The following RAPGEFL1 variants were observed in gnomAD, a reference collection of about 807,000 sequenced individuals.
RAPGEFL1 encodes the protein rap guanine nucleotide exchange factor-like 1.
RAPGEFL1 carries 31 observed loss-of-function variants against 64.4 expected under a neutral mutation model. That is an observed-to-expected ratio of 0.48 (90% CI 0.36 to 0.65). The LOEUF (loss-of-function observed/expected upper bound fraction) is 0.65, where lower values mean the gene tolerates loss of function less well. Among genes scored for constraint, RAPGEFL1 ranks in the 30% least tolerant of loss-of-function variants. The probability of loss-of-function intolerance (pLI) is 0.00; values close to 1 mark genes in which losing one functional copy is unlikely to be tolerated. For missense variants in RAPGEFL1, 682 were observed against 677.4 expected (o/e 1.01, Z -0.08); for synonymous variants, 331 against 274.1 (o/e 1.21, Z -2.05).
intron 11 of RAPGEFL1, 38 bp from the exon 12 acceptor site, chr17:40,192,568 C>A (rs1404910926): frequency 6.5e-7 from 1 of 1,539,522 alleles, no homozygotes; most frequent in Non-Finnish European, 9.0e-7. Flanking sequence ...GATGCATTGG[C>A]CAGTCTGTCC....
In RAPGEFL1 at chr17:40,191,785, G is replaced by A. The variant is rs1990283358; in HGVS notation, c.1605+113G>A. 1.2e-5 allele frequency: 13 copies of A among 1,078,638 alleles called. 1 individual carries two copies. The South Asian group carries it at 1.8e-4, about 15-fold the overall frequency. 66.8% of individuals were successfully genotyped at this position (1,078,638 alleles called of 1,614,324 possible). A position where few individuals can be genotyped will look rare whatever the true frequency, so the allele number is the denominator to read the frequency against. The stretch of plus-strand genomic sequence containing the variant: ...AGGGAGTCTTTGCGCCAGTTGGAGG[G>A]AGGCGCCCTCTTCTGGCATACGCAA... On this transcript the variant is annotated intron_variant, in intron 10 of 14. Transcript: ENST00000620260. This position sits in a 1 kb window ranked among gnomAD's most constrained non-coding sequence, Gnocchi z 5.1.
chr17:40,194,153 G>C lies in RAPGEFL1; in HGVS notation c.*365G>C. The C allele has an allele frequency of 4.3e-6, 1 of 231,920 alleles. No individual in the cohort carries two copies. The highest frequency in any genetic ancestry group is 7.1e-5 in the South Asian group (1 of 14,016). The allele number at this position is 231,920 out of a possible 1,614,324, so 14.4% of individuals were successfully genotyped here. ...TGTCTTGCAGAGTGGGATTGTGGGA[G>C]GGATTGGCAGCCTTCTTCTCCACCA... On this transcript the variant is annotated 3_prime_UTR_variant, in exon 15 of 15. Coordinates refer to ENST00000620260, the MANE Select transcript of RAPGEFL1 (RefSeq NM_016339.6).
Position 40,181,712 on chromosome 17 carries a change from T to C in RAPGEFL1, c.599+18T>C, listed in dbSNP as rs575388243. 3.7e-5 allele frequency: 26 copies of C among 702,012 alleles called. No individual in the cohort carries two copies. The highest frequency in any genetic ancestry group is 4.0e-5 in the Admixed American group (2 of 49,986). 43.5% of individuals were successfully genotyped at this position (702,012 alleles called of 1,614,324 possible). A position where few individuals can be genotyped will look rare whatever the true frequency, so the allele number is the denominator to read the frequency against. On this transcript the variant is annotated intron_variant, in intron 2 of 14. Coordinates refer to ENST00000620260, the MANE Select transcript of RAPGEFL1 (RefSeq NM_016339.6). ...CACCAGTAATATCCTTTTGTGGAGT[T>C]TGGAAAAGGAGAGGTCAGAAGGGAG...
At position 40,184,097 on chromosome 17, in the gene RAPGEFL1, G is replaced by A. The variant is rs1299949547; in HGVS notation, c.600-117G>A. ...GACCTCAGGTGATCCGCCCGCCTCA[G>A]CTTCCCAAACTGCTGGGATTATAGG... On this transcript the variant is annotated intron_variant, in intron 2 of 14. Coordinates refer to ENST00000620260, the MANE Select transcript of RAPGEFL1 (RefSeq NM_016339.6). 7.4e-6 allele frequency: 6 copies of A among 808,736 alleles called. No homozygotes were observed. In the Admixed American group the frequency reaches 1.2e-4, roughly 17 times the overall value. The allele number at this position is 808,736 out of a possible 1,614,324, so 50.1% of individuals were successfully genotyped here.
In RAPGEFL1 at chr17:40,193,963, C is replaced by A; in HGVS notation, c.*175C>A. ...TAAGTCTGTTCATCCTGCTGAAGTC[C>A]CCTCCCCATTGCTCCTTCAAGCCAA... On this transcript the variant is annotated 3_prime_UTR_variant, in exon 15 of 15. Transcript: ENST00000620260. 1.2e-6 allele frequency: 1 copy of A among 831,166 alleles called. No individual in the cohort carries two copies. Among genetic ancestry groups the A allele is most frequent in the Non-Finnish European group, 1.8e-6 (1 of 551,314 alleles). The allele number at this position is 831,166 out of a possible 1,614,324, so 51.5% of individuals were successfully genotyped here. A position where few individuals can be genotyped will look rare whatever the true frequency, so the allele number is the denominator to read the frequency against.
chr17:40,186,530 T>TGCAGTCC (rs1286447844), intron 4 of RAPGEFL1, among the ~76,000 whole-genome samples: 1 of 125,416 alleles, frequency 8.0e-6, no homozygotes, highest in African/African-American at 3.0e-5. Flanking sequence ...ATTGCGCCAC[T>TGCAGTCC]GCAGTCCGCA....
intron 14 of RAPGEFL1, 123 bp from the exon 15 acceptor site, chr17:40,193,541 C>G (rs1598448204): frequency 6.3e-7 from 1 of 1,578,758 alleles, no homozygotes; most frequent in East Asian, 2.2e-5. Flanking sequence ...TCTCTCCTTG[C>G]CTCTGCAGAG....
rs1598440314 is a variant in RAPGEFL1 at position 40,184,336 on chromosome 17, G to C, written c.722G>C (p.Gly241Ala). The change falls in exon 3 of 15, where the codon GGC (glycine) becomes GCC (alanine). Residue 241 changes from glycine (G) to alanine (A), a missense_variant. Transcript: ENST00000620260. ...CTGCTTCAAGAGGAAGAGGGGGCCG[G>C]CCACATCATCAAGGTGGGCCTGGGG... The part of the protein sequence containing the change: ...QGLLQEEEGA[G>A]HIIKDLYLLI... 1.9e-6 allele frequency: 3 copies of C among 1,611,540 alleles called. No individual in the cohort carries two copies. The highest frequency in any genetic ancestry group is 2.2e-5 in the South Asian group (2 of 90,938).
chr17:40,183,813 G>A (rs1443906550), intron 2 of RAPGEFL1, among the ~76,000 whole-genome samples: 4 of 138,034 alleles, frequency 2.9e-5, no homozygotes, highest in African/African-American at 8.1e-5. Flanking sequence ...GAGCCACCGC[G>A]CCTGGCCTTT....
Position 40,178,264 on chromosome 17 carries a change from G to A in RAPGEFL1, c.403G>A (p.Glu135Lys), listed in dbSNP as rs763642653. Residue 135 changes from glutamate (E) to lysine (K), a missense_variant, in exon 1 of 15, where the codon GAG (glutamate) becomes AAG (lysine). Coordinates refer to ENST00000620260, the MANE Select transcript of RAPGEFL1 (RefSeq NM_016339.6). ...CTCATCTGACGAGCTGTCCCCAGGC[G>A]AGCCCTTGACTTCGCCGCCCTGGGC... ...SYSSDELSPG[E>K]PLTSPPWAPL... 7.7e-6 allele frequency: 5 copies of A among 649,560 alleles called. No individual in the cohort carries two copies. The highest frequency in any genetic ancestry group is 2.2e-5 in the Admixed American group (1 of 44,898). 40.2% of individuals were successfully genotyped at this position (649,560 alleles called of 1,614,324 possible).
chr17:40,194,164 CCTT>C lies in RAPGEFL1; in HGVS notation c.*382_*384del, dbSNP rs1598448982. The C allele has an allele frequency of 8.9e-6, 2 of 225,206 alleles. No individual in the cohort carries two copies. Among genetic ancestry groups the C allele is most frequent in the East Asian group, 2.2e-4 (2 of 9,234 alleles). 14.0% of individuals were successfully genotyped at this position (225,206 alleles called of 1,614,324 possible). A position where few individuals can be genotyped will look rare whatever the true frequency, so the allele number is the denominator to read the frequency against. On this transcript the variant is annotated 3_prime_UTR_variant, in exon 15 of 15. Transcript: ENST00000620260. ...GTGGGATTGTGGGAGGGATTGGCAG[CCTT>C]CTTCTCCACCACCTGTCCAGCTTCT...
Position 40,177,854 on chromosome 17 carries a change from G to GC in RAPGEFL1, c.-8_-7insC, listed in dbSNP as rs1165306179. 1 of 428,066 alleles carries GC rather than the reference G, an allele frequency of 2.3e-6. No homozygotes were observed. Among genetic ancestry groups the GC allele is most frequent in the Non-Finnish European group, 4.1e-6 (1 of 241,246 alleles). 26.5% of individuals were successfully genotyped at this position (428,066 alleles called of 1,614,324 possible). ...CCGGCGACCCCTAGGAGAGGGGCGGGGGGGGGCATGAAGCCGCTGGAGAAA... is the reference window on the plus strand; with the variant it reads ...CCGGCGACCCCTAGGAGAGGGGCGGGCGGGGGGCATGAAGCCGCTGGAGAAA... On this transcript the variant is annotated 5_prime_UTR_variant, in exon 1 of 15. Coordinates refer to ENST00000620260, the MANE Select transcript of RAPGEFL1 (RefSeq NM_016339.6).
At chr17:40,182,338 G>C (rs1398243218) in intron 2 of RAPGEFL1, among the ~76,000 whole-genome samples, 1 of 151,936 alleles carries the variant, frequency 6.6e-6, no homozygotes, top group African/African-American at 2.4e-5. Context: ...TTGAGATGGA[G>C]TCTTGCTCTG....
chr17:40,193,055 C>T, intron 13 of RAPGEFL1, 65 bp downstream of exon 13: 1 of 1,405,720 alleles, frequency 7.1e-7, no homozygotes, highest in Non-Finnish European at 1.0e-6. Flanking sequence ...CTCCCTCTCT[C>T]ATCACCTCCC....
At chr17:40,183,526 T>C (rs1036916113) in intron 2 of RAPGEFL1, among the ~76,000 whole-genome samples, 15 of 150,466 alleles carry the variant, frequency 1.0e-4, no homozygotes, top group South Asian at 4.2e-4. Context: ...TTCTTTTTTT[T>C]TTTTTTTTTT....
In RAPGEFL1 at chr17:40,191,440, A is replaced by T; in HGVS notation, c.1460A>T (p.Glu487Val). ...GTGGCCACCGAAGTGCTGCTCTGCG[A>T]GGCCCCGGGCAAGCGCGCGCAGCTG... Reference protein sequence around the residue: ...HWVATEVLLCEAPGKRAQLLK... With the variant: ...HWVATEVLLCVAPGKRAQLLK... The change falls in exon 9 of 15, where the codon GAG becomes GTG. Residue 487 changes from glutamate (E) to valine (V), a missense_variant. Glu to Val is a moderately radical substitution (Grantham distance 121, BLOSUM62 -2). Coordinates refer to ENST00000620260, the MANE Select transcript of RAPGEFL1 (RefSeq NM_016339.6). The surrounding 1 kb of genome is among the most constrained non-coding windows in gnomAD (Gnocchi z 5.1). 1 of 1,607,468 alleles carries T rather than the reference A, an allele frequency of 6.2e-7. No homozygotes were observed. Among genetic ancestry groups the T allele is most frequent in the Non-Finnish European group, 8.5e-7 (1 of 1,178,778 alleles).
intron 4 of RAPGEFL1, among the ~76,000 whole-genome samples, chr17:40,186,425 G>A (rs1229927123): frequency 3.2e-4 from 48 of 150,428 alleles, no homozygotes; most frequent in African/African-American, 9.5e-4. Flanking sequence ...AAAATTAGCC[G>A]GGCGCGGTGG....
At chr17:40,185,477 C>A (rs918460292) in intron 4 of RAPGEFL1, among the ~76,000 whole-genome samples, 1 of 126,308 alleles carries the variant, frequency 7.9e-6, no homozygotes, top group African/African-American at 3.0e-5. Context: ...GTCAGGAGTT[C>A]AAGACCAGCC....
Position 40,181,630 on chromosome 17 carries a change from G to T in RAPGEFL1, c.535G>T (p.Asp179Tyr). 1 of 702,844 alleles carries T rather than the reference G, an allele frequency of 1.4e-6. No individual in the cohort carries two copies. The highest frequency in any genetic ancestry group is 2.6e-6 in the Non-Finnish European group (1 of 384,884). 43.5% of individuals were successfully genotyped at this position (702,844 alleles called of 1,614,324 possible). The change falls in exon 2 of 15, where the codon GAC (aspartate) becomes TAC (tyrosine). Residue 179 changes from aspartate (D) to tyrosine (Y), a missense_variant. Around this residue, in one of 2 missense-constraint regions of RAPGEFL1, gnomAD observed 271 missense variants for 158.0 expected, o/e 1.72. Coordinates refer to ENST00000620260, the MANE Select transcript of RAPGEFL1 (RefSeq NM_016339.6). ...DSAASDILLD[D>Y]IVLTHSLFLP... ...GATCTTTACAGATATCCTGCTGGAT[G>T]ACATTGTCCTTACCCATTCTCTCTT...
Sources: allele counts gnomAD v4.1 joint callset (sites outside exome capture counted in the v4.1 genomes callset), GRCh38; gene constraint gnomAD v4.1.1; regional missense constraint gnomAD v4.1.1; non-coding constraint Gnocchi (gnomAD v3.1); transcripts MANE v1.5; gene names NCBI Gene and HGNC (gene_info 2026-07-23, HGNC 2026-07-21).